MVD: variants seen among roughly 807,000 people sequenced by gnomAD.
MVD encodes the protein diphosphomevalonate decarboxylase.
A neutral mutation model predicts 42.4 loss-of-function variants in MVD; 52 were observed. The observed-to-expected ratio is 1.23, with a 90% CI of 0.98 to 1.55. The LOEUF is 1.55. MVD is among the 40% of genes most tolerant of loss of function. The pLI, the probability that MVD is intolerant of heterozygous loss-of-function variation, is 0.00. For missense variants in MVD, 663 were observed against 572.1 expected, an observed-to-expected ratio of 1.16 and a Z score of -1.62; for synonymous variants, 287 against 243.2, an observed-to-expected ratio of 1.18 and a Z score of -1.68.
At position 88,657,698 on chromosome 16, in the gene MVD, G is replaced by A. The variant is rs577278285; in HGVS notation, c.257-116C>T. Reference sequence around the variant, plus strand: ...CAGGCCTCTGCCTGCCAGACTCCTCGTGGAGAGTTTCTTACCCGGGAAAAC... The same window carrying A: ...CAGGCCTCTGCCTGCCAGACTCCTCATGGAGAGTTTCTTACCCGGGAAAAC... On this transcript the variant is annotated intron_variant, in intron 3 of 9. Transcript: ENST00000301012. 81 of 1,454,780 alleles carry A rather than the reference G, an allele frequency of 5.6e-5. 2 individuals are homozygous for A. In the African/African-American group the frequency reaches 7.6e-4, roughly 14 times the overall value. The allele number at this position is 1,454,780 out of a possible 1,614,324, so 90.1% of individuals were successfully genotyped here.
intron 5 of MVD, 84 bp downstream of exon 5, chr16:88,656,021 C>T (rs554139924): frequency 1.0e-4 from 155 of 1,497,114 alleles, no homozygotes; most frequent in Admixed American, 9.7e-5. Context: ...CCTGGATGGA[C>T]GCCTTCGCTC....
intron 4 of MVD, 142 bp from the exon 5 acceptor site, chr16:88,656,446 G>C (rs1437440404): frequency 1.1e-6 from 1 of 877,612 alleles, no homozygotes; most frequent in African/African-American, 1.7e-5. Flanking sequence ...CAGCCTTTGA[G>C]GCCAGCATTC....
chr16:88,657,045 G>C, intron 4 of MVD: 1 of 374,462 alleles, frequency 2.7e-6, no homozygotes, highest in Non-Finnish European at 5.2e-6. Flanking sequence ...TTAGGGCTGA[G>C]CCAGTTTGAA....
intron 1 of MVD, among the ~76,000 whole-genome samples, chr16:88,661,553 T>A (rs62048038): frequency 0.048 from 7,366 of 151,900 alleles, 215 homozygotes; most frequent in Non-Finnish European, 0.072. Context: ...TCCAAACTTA[T>A]AGTAAAAAAG....
intron 1 of MVD, among the ~76,000 whole-genome samples, chr16:88,661,830 TAGAC>T (rs906858312): frequency 2.2e-5 from 3 of 134,230 alleles, no homozygotes; most frequent in African/African-American, 5.5e-5. Flanking sequence ...GAAAAACAAT[TAGAC>T]AGTTTCTTTA....
chr16:88,652,371 G>A lies in MVD; in HGVS notation c.*154C>T. On this transcript the variant is annotated 3_prime_UTR_variant, in exon 10 of 10. Transcript: ENST00000301012. Reference sequence around the variant, plus strand: ...TCTCCTGACACCTGGGCGGCCGCAGGACTCCCTGCACTGCCCCACAGCAAG... The same window carrying A: ...TCTCCTGACACCTGGGCGGCCGCAGAACTCCCTGCACTGCCCCACAGCAAG... 1.2e-6 allele frequency: 1 copy of A among 802,546 alleles called. No homozygotes were observed. The allele number at this position is 802,546 out of a possible 1,614,324, so 49.7% of individuals were successfully genotyped here. A position where few individuals can be genotyped will look rare whatever the true frequency, so the allele number is the denominator to read the frequency against.
rs370676684 is a variant in MVD at position 88,654,719 on chromosome 16, C to A, written c.986G>T (p.Gly329Val). ...VAEFVAAVWH[G>V]FPPGSNGDTF... Reference sequence around the variant, plus strand: ...GTCTCCATTCGAGCCTGGGGGAAAGCCGTGCCACACAGCAGCCACAAACTC... The same window carrying A: ...GTCTCCATTCGAGCCTGGGGGAAAGACGTGCCACACAGCAGCCACAAACTC... The change falls in exon 8 of 10, where the codon GGC becomes GTC. Residue 329 changes from glycine to valine, a missense_variant. Gly to Val is a moderately radical substitution (Grantham distance 109). Coordinates refer to ENST00000301012, the MANE Select transcript of MVD (RefSeq NM_002461.3). The A allele has an allele frequency of 5.6e-6, 9 of 1,599,766 alleles. No homozygotes were observed. Among genetic ancestry groups the A allele is most frequent in the Non-Finnish European group, 7.7e-6 (9 of 1,175,750 alleles).
chr16:88,662,447 G>C (rs1908363673), intron 1 of MVD, among the ~76,000 whole-genome samples: 1 of 152,246 alleles, frequency 6.6e-6, no homozygotes, highest in Admixed American at 6.5e-5. Context: ...ACCCCGGCGC[G>C]AGGGGAGGGG....
rs141636956 is a variant in MVD at position 88,658,155 on chromosome 16, G to T, written c.142-126C>A. Reference sequence around the variant, plus strand: ...GCAAGGTCAGCCCTGCTGAGGGCAGGGGGGGAAAGGCCAGTCTCAGCTGGG... The same window carrying T: ...GCAAGGTCAGCCCTGCTGAGGGCAGTGGGGGAAAGGCCAGTCTCAGCTGGG... On this transcript the variant is annotated intron_variant, in intron 2 of 9. Transcript: ENST00000301012. The T allele has an allele frequency of 3.7e-4, 339 of 914,844 alleles. 2 individuals are homozygous for T. In the African/African-American group the frequency reaches 5.0e-3, roughly 14 times the overall value. The allele number at this position is 914,844 out of a possible 1,614,324, so 56.7% of individuals were successfully genotyped here.
At chr16:88,655,618 A>G in intron 6 of MVD, 38 bp downstream of exon 6, 1 of 1,544,654 alleles carries the variant, frequency 6.5e-7, no homozygotes, top group South Asian at 1.2e-5. Flanking sequence ...CACAAGCGTG[A>G]CTCCCAGGGC....
chr16:88,658,629 T>C (rs1908090803), intron 2 of MVD, 21 bp downstream of exon 2: 2 of 1,610,700 alleles, frequency 1.2e-6, no homozygotes, highest in African/African-American at 2.7e-5. Context: ...CTGTGGTGTT[T>C]AGTCGTCAGT....
At chr16:88,662,719 G>A (rs1043512639) in intron 1 of MVD, 3 of 1,433,986 alleles carry the variant, frequency 2.1e-6, no homozygotes, top group Non-Finnish European at 2.8e-6. Context: ...TACGATTCAT[G>A]GGAATCGATG....
intron 1 of MVD, among the ~76,000 whole-genome samples, chr16:88,659,835 C>T (rs112464613): frequency 6.6e-6 from 1 of 152,014 alleles, no homozygotes; most frequent in Admixed American, 6.6e-5. Flanking sequence ...GCTGTAGTGA[C>T]GCACGCCTGT....
At chr16:88,652,650 T>G in intron 9 of MVD, 45 bp from the exon 10 acceptor site, 1 of 1,510,378 alleles carries the variant, frequency 6.6e-7, no homozygotes, top group African/African-American at 1.4e-5. Context: ...TGGCAGCGCC[T>G]CATCCTGTGC....
chr16:88,654,848 C>T, intron 7 of MVD, 41 bp from the exon 8 acceptor site: 1 of 1,524,480 alleles, frequency 6.6e-7, no homozygotes, highest in Non-Finnish European at 8.8e-7. Flanking sequence ...CACGTGGTGC[C>T]TGACCCTTGT....
At chr16:88,661,096 A>G (rs1300986797) in intron 1 of MVD, among the ~76,000 whole-genome samples, 1 of 151,740 alleles carries the variant, frequency 6.6e-6, no homozygotes, top group Non-Finnish European at 1.5e-5. Context: ...TTTTTTTACA[A>G]AAGTGCAAAA....
chr16:88,658,547 T>A, intron 2 of MVD, 103 bp downstream of exon 2: 1 of 1,133,472 alleles, frequency 8.8e-7, no homozygotes, highest in Non-Finnish European at 1.3e-6. Context: ...TCTCCCCAAG[T>A]GCTGGGATTG....
At position 88,652,368 on chromosome 16, in the gene MVD, C is replaced by T. The variant is rs1907620568; in HGVS notation, c.*157G>A. The T allele has an allele frequency of 2.5e-6, 2 of 789,040 alleles. No individual in the cohort carries two copies. The highest frequency in any genetic ancestry group is 3.0e-5 in the South Asian group (2 of 65,674). The allele number at this position is 789,040 out of a possible 1,614,324, so 48.9% of individuals were successfully genotyped here. ...ACCTCTCCTGACACCTGGGCGGCCG[C>T]AGGACTCCCTGCACTGCCCCACAGC... On this transcript the variant is annotated 3_prime_UTR_variant, in exon 10 of 10. Transcript: ENST00000301012.
Position 88,655,356 on chromosome 16 carries a change from C to T in MVD, c.740G>A (p.Arg247Gln), listed in dbSNP as rs143846527. Residue 247 changes from arginine to glutamine, a missense_variant, in exon 7 of 10, where the codon CGA becomes CAA. Transcript: ENST00000301012. ...MAEMARCIRE[R>Q]DFPSFAQLTM... ...CAGCTGGGCGAAGCTGGGGAAGTCT[C>T]GCTCCCGGATGCAGCGGGCCATCTC... 1.3e-5 allele frequency: 21 copies of T among 1,601,690 alleles called. No homozygotes were observed. Among genetic ancestry groups the T allele is most frequent in the African/African-American group, 9.4e-5 (7 of 74,712 alleles).
Sources: gnomAD v4.1 joint callset for allele counts (sites outside exome capture counted in the v4.1 genomes callset) on GRCh38, gnomAD v4.1.1 for gene constraint, MANE v1.5 for transcripts, NCBI Gene and HGNC (gene_info 2026-07-23, HGNC 2026-07-21) for gene names.